Variants in PRRX1 observed in about 807,000 individuals in gnomAD.
The protein encoded by PRRX1 is paired mesoderm homeobox protein 1.
A neutral mutation model predicts 24.0 loss-of-function variants in PRRX1; 8 were observed. The observed-to-expected ratio is 0.33, with a 90% confidence interval of 0.20 to 0.60. The LOEUF (loss-of-function observed/expected upper bound fraction) is 0.60, where lower values mean the gene tolerates loss of function less well. PRRX1 is among the 20% of genes least tolerant of loss of function. The pLI is 0.82. For missense variants in PRRX1, 281 were observed against 322.4 expected, an observed-to-expected ratio of 0.87 and a Z score of 0.98; for synonymous variants, 160 against 131.7, an observed-to-expected ratio of 1.22 and a Z score of -1.47.
chr1:170,719,055 G>A (rs540518509), intron 1 of PRRX1, among the ~76,000 whole-genome samples: 1 of 152,150 alleles, frequency 6.6e-6, no homozygotes, highest in Non-Finnish European at 1.5e-5. Context: ...CTCAGGGAGT[G>A]AGCCCCAGGC....
At chr1:170,685,658 T>G (rs953181124) in intron 1 of PRRX1, among the ~76,000 whole-genome samples, 1 of 152,070 alleles carries the variant, frequency 6.6e-6, no homozygotes, top group African/African-American at 2.4e-5. Flanking sequence ...ATTTCTTTCT[T>G]TCTTTCTTTC....
In PRRX1 at chr1:170,738,385, C is replaced by T. The variant is rs775614834; in HGVS notation, c.*2199C>T. 14 of 225,880 alleles carry T rather than the reference C, an allele frequency of 6.2e-5. No individual in the cohort carries two copies. The highest frequency in any genetic ancestry group is 1.2e-4 in the Non-Finnish European group (14 of 113,668). The allele number at this position is 225,880 out of a possible 1,614,324, so 14.0% of individuals were successfully genotyped here. A position where few individuals can be genotyped will look rare whatever the true frequency, so the allele number is the denominator to read the frequency against. On this transcript the variant is annotated 3_prime_UTR_variant, in exon 4 of 4. Coordinates refer to ENST00000239461, the MANE Select transcript of PRRX1 (RefSeq NM_022716.4). Reference sequence around the variant, plus strand: ...AAATAATAATGAAGCTCATCTTATACATTTTGCTTTCACCAATTGATTCCT... The same window carrying T: ...AAATAATAATGAAGCTCATCTTATATATTTTGCTTTCACCAATTGATTCCT...
Position 170,734,622 on chromosome 1 carries a change from C to T in PRRX1, c.600-1426C>T, listed in dbSNP as rs562830905. ...GAAGAAGGTAGGATCCTTTTGAAAC[C>T]TTTCTGAGTCTCCTGTGTCAGAACA... On this transcript the variant is annotated intron_variant, in intron 3 of 3. Coordinates refer to ENST00000239461, the MANE Select transcript of PRRX1 (RefSeq NM_022716.4). Among the ~76,000 whole-genome samples, 130 of 151,684 alleles carry T rather than the reference C, an allele frequency of 8.6e-4. No individual in the cohort carries two copies. The Middle Eastern group carries it at 0.021, about 24-fold the overall frequency.
Position 170,664,213 on chromosome 1 carries a change from G to C in PRRX1, c.-6G>C. 1.2e-6 allele frequency: 2 copies of C among 1,608,814 alleles called. No homozygotes were observed. The highest frequency in any genetic ancestry group is 1.7e-6 in the Non-Finnish European group (2 of 1,178,046). On this transcript the variant is annotated 5_prime_UTR_variant, in exon 1 of 4. Coordinates refer to ENST00000239461, the MANE Select transcript of PRRX1 (RefSeq NM_022716.4). ...AGGGGGGTGGGTGGGATCGGTGGGG[G>C]AGACCATGACCTCCAGCTACGGGCA...
At chr1:170,690,430 T>A (rs1392055901) in intron 1 of PRRX1, among the ~76,000 whole-genome samples, 1 of 152,120 alleles carries the variant, frequency 6.6e-6, no homozygotes, top group Non-Finnish European at 1.5e-5. Flanking sequence ...TCACTTAGAA[T>A]AGACTTGGAG....
intron 1 of PRRX1, among the ~76,000 whole-genome samples, chr1:170,703,363 G>GAT (rs561848432): frequency 1.6e-4 from 25 of 152,016 alleles, no homozygotes; most frequent in Admixed American, 6.6e-4. Context: ...TCATCTGCAA[G>GAT]ACCTCCTAGT....
intron 1 of PRRX1, among the ~76,000 whole-genome samples, chr1:170,708,805 A>G (rs1478845595): frequency 1.3e-5 from 2 of 152,208 alleles, no homozygotes; most frequent in African/African-American, 4.8e-5. Flanking sequence ...GAGAAAGTGC[A>G]TGAGAAACCT....
chr1:170,677,008 G>T (rs1319768510), intron 1 of PRRX1, among the ~76,000 whole-genome samples: 1 of 152,164 alleles, frequency 6.6e-6, no homozygotes, highest in East Asian at 1.9e-4. Flanking sequence ...CATGTGAGTT[G>T]TCATACTATA....
upstream of PRRX1, chr1:170,664,085 C>CT: frequency 2.4e-6 from 2 of 839,192 alleles, no homozygotes; most frequent in South Asian, 2.3e-5. Flanking sequence ...CTCCCTCTTC[C>CT]TCCCTCTCTC....
chr1:170,735,102 C>G (rs1655562437), intron 3 of PRRX1, among the ~76,000 whole-genome samples: 1 of 152,138 alleles, frequency 6.6e-6, no homozygotes, highest in Admixed American at 6.6e-5. Context: ...ATACTTTTAA[C>G]TATTTAGTAG....
chr1:170,711,026 T>G (rs188247261), intron 1 of PRRX1, among the ~76,000 whole-genome samples: 26 of 152,360 alleles, frequency 1.7e-4, no homozygotes, highest in Admixed American at 1.6e-3. Context: ...AAGTCAAGCT[T>G]TAAGCCACTA....
intron 1 of PRRX1, among the ~76,000 whole-genome samples, chr1:170,665,284 A>G (rs1479249127): frequency 6.6e-6 from 1 of 152,200 alleles, no homozygotes; most frequent in Non-Finnish European, 1.5e-5. Context: ...AACGCCCAGA[A>G]AAGTCCAGTT....
At chr1:170,678,879 A>G (rs1028798849) in intron 1 of PRRX1, among the ~76,000 whole-genome samples, 2 of 152,244 alleles carry the variant, frequency 1.3e-5, no homozygotes, top group Admixed American at 1.3e-4. Context: ...CACTTGCATC[A>G]GAATGAACTG....
chr1:170,713,164 C>T (rs977894045), intron 1 of PRRX1, among the ~76,000 whole-genome samples: 2 of 152,154 alleles, frequency 1.3e-5, no homozygotes, highest in African/African-American at 4.8e-5. Context: ...TCTGATTATT[C>T]ACTTACTGAA....
At chr1:170,684,813 A>G (rs1653676357) in intron 1 of PRRX1, among the ~76,000 whole-genome samples, 1 of 152,192 alleles carries the variant, frequency 6.6e-6, no homozygotes, top group African/African-American at 2.4e-5. Context: ...TTGTAGCACC[A>G]TGAAGAAAGT....
chr1:170,708,093 A>T (rs1160693706), intron 1 of PRRX1, among the ~76,000 whole-genome samples: 1 of 152,130 alleles, frequency 6.6e-6, no homozygotes, highest in Non-Finnish European at 1.5e-5. Context: ...TCTTCCTGTT[A>T]TGAGTTGAGC....
intron 1 of PRRX1, among the ~76,000 whole-genome samples, chr1:170,712,231 G>T (rs908692119): frequency 2.6e-5 from 4 of 152,012 alleles, no homozygotes; most frequent in Non-Finnish European, 4.4e-5. Context: ...AGGCAAGTTG[G>T]CTTTTTAGAA....
intron 1 of PRRX1, among the ~76,000 whole-genome samples, chr1:170,700,790 T>C (rs1242209488): frequency 6.6e-6 from 1 of 152,154 alleles, no homozygotes; most frequent in Non-Finnish European, 1.5e-5. Context: ...GAGGATGCAG[T>C]TCAAAGAGTC....
chr1:170,682,337 A>G (rs1314444589), intron 1 of PRRX1, among the ~76,000 whole-genome samples: 5 of 151,754 alleles, frequency 3.3e-5, no homozygotes, highest in Admixed American at 2.0e-4. Flanking sequence ...ATCACACTGC[A>G]TGGCTTAAGA....
Sources: allele counts gnomAD v4.1 joint callset (sites outside exome capture counted in the v4.1 genomes callset), GRCh38; gene constraint gnomAD v4.1.1; transcripts MANE v1.5; gene names NCBI Gene and HGNC (gene_info 2026-07-23, HGNC 2026-07-21).